MEF2A: variants seen among roughly 807,000 people sequenced by gnomAD.
MEF2A encodes myocyte-specific enhancer factor 2A.
A neutral mutation model predicts 55.8 loss-of-function variants in MEF2A; 28 were observed. The ratio of observed to expected loss-of-function variants is 0.50; its 90% CI spans 0.37 to 0.69. MEF2A has a LOEUF of 0.69. Among genes scored for constraint, MEF2A ranks in the 30% least tolerant of loss-of-function variants. The probability of loss-of-function intolerance (pLI) is 0.00; values close to 1 mark genes in which losing one functional copy is unlikely to be tolerated. For missense variants in MEF2A, 528 were observed against 626.2 expected, an observed-to-expected ratio of 0.84 and a Z score of 1.67; for synonymous variants, 239 against 227.1, an observed-to-expected ratio of 1.05 and a Z score of -0.47.
intron 4 of MEF2A, among the ~76,000 whole-genome samples, chr15:99,662,468 C>T (rs1026335654): frequency 6.7e-6 from 1 of 150,328 alleles, no homozygotes; most frequent in African/African-American, 2.4e-5. Context: ...GACATGATTT[C>T]TTTTTTCCTC....
chr15:99,706,851 C>CACTG lies in MEF2A; in HGVS notation c.1006_1009dup (p.Tyr338Ter). ...ACTCAGCAATGCCGACTGCCTACAA[C>CACTG]ACTGGTGAGCCTGCTCTGGTGCCTT... is the stretch of plus-strand genomic sequence containing the variant. On this transcript the variant is annotated frameshift_variant, in exon 10 of 12. Transcript: ENST00000557942. LOFTEE classifies it high-confidence loss of function. The CACTG allele has an allele frequency of 6.2e-7, 1 of 1,613,970 alleles. No homozygotes were observed. The highest frequency in any genetic ancestry group is 2.2e-5 in the East Asian group (1 of 44,892).
intron 8 of MEF2A, 129 bp downstream of exon 8, chr15:99,690,557 C>A (rs1417254286): frequency 2.3e-6 from 2 of 853,666 alleles, no homozygotes; most frequent in South Asian, 1.4e-5. Flanking sequence ...TATTTCCATT[C>A]AAAATTAGTA....
intron 2 of MEF2A, among the ~76,000 whole-genome samples, chr15:99,628,924 C>T (rs1298321830): frequency 2.7e-5 from 4 of 150,166 alleles, no homozygotes; most frequent in African/African-American, 4.9e-5. Flanking sequence ...GTTTGTTTGC[C>T]TTAAAGTTGC....
chr15:99,662,871 A>C (rs545992960), intron 4 of MEF2A, among the ~76,000 whole-genome samples: 108 of 152,374 alleles, frequency 7.1e-4, no homozygotes, highest in African/African-American at 2.5e-3. Flanking sequence ...TGTACTGCTC[A>C]GCTGTGTCAT....
chr15:99,619,352 G>C (rs2570816), intron 2 of MEF2A, among the ~76,000 whole-genome samples: 103,638 of 152,082 alleles, frequency 0.68, 38,850 homozygotes, highest in Middle Eastern at 0.86. Context: ...TTGGAGTGCT[G>C]TTCTGGAATA....
At chr15:99,659,860 GA>G (rs2048345930) in intron 4 of MEF2A, among the ~76,000 whole-genome samples, 1 of 151,954 alleles carries the variant, frequency 6.6e-6, no homozygotes, top group Non-Finnish European at 1.5e-5. Flanking sequence ...CAGATTTCAA[GA>G]AAAATATAAT....
chr15:99,613,668 G>C (rs1370926777), intron 2 of MEF2A, among the ~76,000 whole-genome samples: 1 of 152,212 alleles, frequency 6.6e-6, no homozygotes, highest in Admixed American at 6.5e-5. Flanking sequence ...TATCAGCGTT[G>C]ATAGCAGAGC....
chr15:99,633,930 C>T (rs950093819), intron 3 of MEF2A, among the ~76,000 whole-genome samples: 25 of 152,188 alleles, frequency 1.6e-4, no homozygotes, highest in African/African-American at 5.8e-4. Flanking sequence ...GAGTAGTTGC[C>T]CCAGAAACTA....
intron 4 of MEF2A, among the ~76,000 whole-genome samples, chr15:99,658,147 A>G (rs934044710): frequency 6.6e-6 from 1 of 152,202 alleles, no homozygotes; most frequent in Non-Finnish European, 1.5e-5. Context: ...CATTGTTATT[A>G]TATGTAGATT....
chr15:99,676,800 G>A (rs904739584), intron 7 of MEF2A, among the ~76,000 whole-genome samples: 1 of 151,974 alleles, frequency 6.6e-6, no homozygotes, highest in African/African-American at 2.4e-5. Context: ...TCAATCTCCC[G>A]ACCTGGTGAT....
intron 2 of MEF2A, among the ~76,000 whole-genome samples, chr15:99,630,401 AT>A (rs1429348328): frequency 7.2e-5 from 11 of 152,048 alleles, no homozygotes; most frequent in African/African-American, 2.7e-4. Context: ...CTTTTTCAAA[AT>A]TGTATTTTTT....
intron 8 of MEF2A, among the ~76,000 whole-genome samples, chr15:99,694,422 A>G (rs2056081592): frequency 6.6e-6 from 1 of 152,222 alleles, no homozygotes. Flanking sequence ...CCCTTATACT[A>G]ATAAGTAGAA....
chr15:99,689,360 A>C (rs954026030), intron 7 of MEF2A, among the ~76,000 whole-genome samples: 2 of 152,240 alleles, frequency 1.3e-5, no homozygotes, highest in African/African-American at 2.4e-5. Context: ...CTCAGAACTT[A>C]GTGGTAGCAG....
chr15:99,700,949 T>G (rs2057323700), intron 8 of MEF2A, among the ~76,000 whole-genome samples: 1 of 152,026 alleles, frequency 6.6e-6, no homozygotes. Flanking sequence ...CCTTAGAAAA[T>G]AACTAATTAA....
chr15:99,676,593 A>G (rs1388786553), intron 7 of MEF2A, among the ~76,000 whole-genome samples: 3 of 149,526 alleles, frequency 2.0e-5, no homozygotes, highest in Admixed American at 1.3e-4. Context: ...TTTTTTTGAG[A>G]CGGAGTCTCG....
intron 1 of MEF2A, among the ~76,000 whole-genome samples, chr15:99,573,268 A>G (rs992959375): frequency 2.0e-5 from 3 of 147,024 alleles, no homozygotes; most frequent in Admixed American, 1.4e-4. Context: ...CAGCCTGGGC[A>G]ACAGCGAGAC....
intron 1 of MEF2A, among the ~76,000 whole-genome samples, chr15:99,581,419 T>G (rs1965880964): frequency 6.6e-6 from 1 of 152,106 alleles, no homozygotes. Flanking sequence ...GCTTTCTTTT[T>G]TTTTTTTCAT....
chr15:99,604,927 T>C (rs991339261), intron 2 of MEF2A, among the ~76,000 whole-genome samples: 4 of 152,174 alleles, frequency 2.6e-5, no homozygotes, highest in Non-Finnish European at 5.9e-5. Flanking sequence ...TCCCAAACAA[T>C]ATTCCAAAAA....
In MEF2A at chr15:99,676,271, C is replaced by G. The variant is rs748549468; in HGVS notation, c.670+813C>G. Among the ~76,000 whole-genome samples the G allele has an allele frequency of 6.3e-4, 96 of 151,990 alleles. 1 individual carries two copies. The highest frequency in any genetic ancestry group is 2.2e-3 in the African/African-American group (92 of 41,382). On this transcript the variant is annotated intron_variant, in intron 7 of 11. Coordinates refer to ENST00000557942, the MANE Select transcript of MEF2A (RefSeq NM_001319206.4). The stretch of plus-strand genomic sequence containing the variant: ...GAAAACAATTAAATGTGGGAAAATA[C>G]ATAAAGGTTGTACCAGTTAAACACT...
Sources: allele counts gnomAD v4.1 joint callset (sites outside exome capture counted in the v4.1 genomes callset), GRCh38; gene constraint gnomAD v4.1.1; transcripts MANE v1.5; gene names NCBI Gene and HGNC (gene_info 2026-07-23, HGNC 2026-07-21).